The following KCNQ3 variants were observed in gnomAD, a reference collection of about 807,000 sequenced individuals.
KCNQ3 encodes the protein potassium voltage-gated channel subfamily KQT member 3.
Under a neutral mutation model 92.5 loss-of-function variants are expected in KCNQ3, and 30 were observed. The observed-to-expected ratio is 0.32, with a 90% CI of 0.24 to 0.44. The LOEUF is 0.44. KCNQ3 is among the 20% of genes least tolerant of loss of function. The pLI, the probability that KCNQ3 is intolerant of heterozygous loss-of-function variation, is 1.00. For missense variants in KCNQ3, 913 were observed against 1,140.3 expected, an observed-to-expected ratio of 0.80 and a Z score of 2.87; for synonymous variants, 450 against 468.8, an observed-to-expected ratio of 0.96 and a Z score of 0.52.
At chr8:132,384,463 C>T (rs908524174) in intron 1 of KCNQ3, among the ~76,000 whole-genome samples, 3 of 152,076 alleles carry the variant, frequency 2.0e-5, no homozygotes, top group Non-Finnish European at 2.9e-5. Context: ...AGGTCATGTA[C>T]AATGGAAGAT....
intron 1 of KCNQ3, among the ~76,000 whole-genome samples, chr8:132,299,070 T>C (rs1386100696): frequency 6.6e-6 from 1 of 151,776 alleles, no homozygotes; most frequent in African/African-American, 2.4e-5. Flanking sequence ...CCTATTCCCA[T>C]AGGCAACCAA....
chr8:132,155,674 A>G (rs892224919), intron 9 of KCNQ3, among the ~76,000 whole-genome samples: 2 of 152,230 alleles, frequency 1.3e-5, no homozygotes, highest in Admixed American at 1.3e-4. Context: ...TGGCAAAACA[A>G]CATGGTTCCA....
intron 1 of KCNQ3, among the ~76,000 whole-genome samples, chr8:132,214,041 A>G (rs1288688032): frequency 6.6e-6 from 1 of 152,200 alleles, no homozygotes; most frequent in African/African-American, 2.4e-5. Context: ...CATCTTCACT[A>G]TAAAGATAAA....
chr8:132,159,629 T>C (rs566854572), intron 9 of KCNQ3, among the ~76,000 whole-genome samples: 5 of 152,282 alleles, frequency 3.3e-5, no homozygotes, highest in South Asian at 4.1e-4. Flanking sequence ...TTCACTGATA[T>C]GGAGAAAGTC....
At chr8:132,281,167 T>C (rs925318532) in intron 1 of KCNQ3, among the ~76,000 whole-genome samples, 3 of 152,132 alleles carry the variant, frequency 2.0e-5, no homozygotes, top group African/African-American at 7.2e-5. Flanking sequence ...CTGGACCAAT[T>C]TGGAAACAGA....
At chr8:132,412,230 C>T (rs913988243) in intron 1 of KCNQ3, among the ~76,000 whole-genome samples, 9 of 152,128 alleles carry the variant, frequency 5.9e-5, no homozygotes, top group Admixed American at 5.9e-4. Flanking sequence ...TGAGAATCAC[C>T]AAGGGCAGTG....
At position 132,453,908 on chromosome 8, in the gene KCNQ3, C is replaced by A. The variant is rs201796427; in HGVS notation, c.386+26239G>T. Among the ~76,000 whole-genome samples the A allele has an allele frequency of 1.6e-4, 24 of 152,314 alleles. 1 individual carries two copies. The East Asian group carries it at 4.4e-3, about 28-fold the overall frequency. ...CCCACGGAAGCCAGTGGCATTCAGG[C>A]TTCCGAGAGCAGCTTCCAATGCCAG... is the stretch of plus-strand genomic sequence containing the variant. On this transcript the variant is annotated intron_variant, in intron 1 of 14. Coordinates refer to ENST00000388996, the MANE Select transcript of KCNQ3 (RefSeq NM_004519.4).
chr8:132,239,594 C>T (rs946546195), intron 1 of KCNQ3, among the ~76,000 whole-genome samples: 8 of 152,280 alleles, frequency 5.3e-5, no homozygotes, highest in African/African-American at 1.9e-4. Flanking sequence ...AAGATCACGC[C>T]CATGCTGCAA....
intron 1 of KCNQ3, among the ~76,000 whole-genome samples, chr8:132,454,547 C>T (rs938925672): frequency 2.1e-4 from 32 of 152,084 alleles, no homozygotes; most frequent in African/African-American, 6.5e-4. Flanking sequence ...GTTTTACAGA[C>T]GAAGAAATGG....
At chr8:132,167,253 T>A (rs1038005675) in intron 8 of KCNQ3, among the ~76,000 whole-genome samples, 2 of 152,096 alleles carry the variant, frequency 1.3e-5, no homozygotes, top group Non-Finnish European at 2.9e-5. Flanking sequence ...AAGTAGATAG[T>A]GATTGCAGGG....
chr8:132,399,636 T>C (rs1820285133), intron 1 of KCNQ3, among the ~76,000 whole-genome samples: 1 of 152,232 alleles, frequency 6.6e-6, no homozygotes, highest in African/African-American at 2.4e-5. Context: ...CACCTCCCAT[T>C]AGAATGAATC....
chr8:132,169,083 G>A (rs1462176784), intron 8 of KCNQ3, among the ~76,000 whole-genome samples: 2 of 152,160 alleles, frequency 1.3e-5, no homozygotes, highest in African/African-American at 2.4e-5. Context: ...GCCTCCAGAT[G>A]TAGCTGACAT....
rs2130875962 is a variant in KCNQ3 at position 132,480,827 on chromosome 8, G to C, written c.-295C>G. ...CTGGGAGGGCGCGCGAGGCTGGCGC[G>C]GAGGCGCTAGGGCGCGCGGCGGCGG... On this transcript the variant is annotated 5_prime_UTR_variant, in exon 1 of 15. Coordinates refer to ENST00000388996, the MANE Select transcript of KCNQ3 (RefSeq NM_004519.4). 1 of 160,640 alleles carries C rather than the reference G, an allele frequency of 6.2e-6. No individual in the cohort carries two copies. Among genetic ancestry groups the C allele is most frequent in the Admixed American group, 6.6e-5 (1 of 15,188 alleles). The allele number at this position is 160,640 out of a possible 1,614,324, so 10.0% of individuals were successfully genotyped here.
At chr8:132,479,949 AACACACACAC>A (rs371967111) in intron 1 of KCNQ3, among the ~76,000 whole-genome samples, 188 bp downstream of exon 1, 2,080 of 137,170 alleles carry the variant, frequency 0.015, 54 homozygotes, top group African/African-American at 0.05. Flanking sequence ...GGAGAGCGGC[AACACACACAC>A]ACACACACAC....
chr8:132,340,293 T>C (rs1818489158), intron 1 of KCNQ3, among the ~76,000 whole-genome samples: 1 of 152,158 alleles, frequency 6.6e-6, no homozygotes, highest in Non-Finnish European at 1.5e-5. Flanking sequence ...ATCATTCTAC[T>C]ATAAGGACGC....
intron 1 of KCNQ3, among the ~76,000 whole-genome samples, chr8:132,402,466 G>A (rs991734247): frequency 6.6e-6 from 1 of 152,156 alleles, no homozygotes; most frequent in Admixed American, 6.5e-5. Flanking sequence ...TTATGGGTAA[G>A]GTCTTTCGTG....
At chr8:132,252,198 C>T (rs769107941) in intron 1 of KCNQ3, among the ~76,000 whole-genome samples, 13 of 152,212 alleles carry the variant, frequency 8.5e-5, no homozygotes, top group Non-Finnish European at 1.9e-4. Context: ...CTTGGTCTCA[C>T]TGACTTCAAG....
At chr8:132,166,441 T>C (rs1414104847) in intron 8 of KCNQ3, among the ~76,000 whole-genome samples, 1 of 152,200 alleles carries the variant, frequency 6.6e-6, no homozygotes, top group African/African-American at 2.4e-5. Context: ...AGCATCTTCC[T>C]GTACCCCCTC....
At chr8:132,343,384 T>C (rs779864443) in intron 1 of KCNQ3, among the ~76,000 whole-genome samples, 81 of 152,192 alleles carry the variant, frequency 5.3e-4, no homozygotes, top group Admixed American at 6.5e-4. Flanking sequence ...CACAAGAGGT[T>C]GAAACCAGTG....
Sources: allele counts gnomAD v4.1 joint callset (sites outside exome capture counted in the v4.1 genomes callset), GRCh38; gene constraint gnomAD v4.1.1; transcripts MANE v1.5; gene names NCBI Gene and HGNC (gene_info 2026-07-23, HGNC 2026-07-21).